Variants in TCF7L2 observed in about 807,000 individuals in gnomAD.
TCF7L2 encodes the protein transcription factor 7 like 2.
Under a neutral mutation model 77.9 loss-of-function variants are expected in TCF7L2, and 23 were observed. The ratio of observed to expected loss-of-function variants is 0.30; its 90% CI spans 0.21 to 0.42. TCF7L2 has a LOEUF of 0.42. Among genes scored for constraint, TCF7L2 ranks in the 10% least tolerant of loss-of-function variants. The pLI, the probability that TCF7L2 is intolerant of heterozygous loss-of-function variation, is 1.00. For missense variants in TCF7L2, 654 were observed against 793.1 expected (o/e 0.82, Z 2.11); for synonymous variants, 413 against 340.2 (o/e 1.21, Z -2.36).
Position 112,950,633 on chromosome 10 carries a change from C to T in TCF7L2, c.-124C>T, listed in dbSNP as rs1457418459. 2.7e-6 allele frequency: 3 copies of T among 1,109,352 alleles called. No homozygotes were observed. The highest frequency in any genetic ancestry group is 3.3e-5 in the African/African-American group (2 of 60,722). The allele number at this position is 1,109,352 out of a possible 1,614,324, so 68.7% of individuals were successfully genotyped here. On this transcript the variant is annotated 5_prime_UTR_variant, in exon 1 of 14. Transcript: ENST00000627217. ...AGACCCCCAAGCAGAAAAAAGTTCACCTTGGACTCGTCTTTTTCTTGCAAT... is the reference window on the plus strand; with the variant it reads ...AGACCCCCAAGCAGAAAAAAGTTCATCTTGGACTCGTCTTTTTCTTGCAAT...
chr10:113,027,307 G>C (rs1047443196), intron 4 of TCF7L2, among the ~76,000 whole-genome samples: 7 of 152,148 alleles, frequency 4.6e-5, no homozygotes, highest in African/African-American at 1.7e-4. Flanking sequence ...TCTGGGTTTT[G>C]ATAGGGGTGT....
chr10:113,027,330 A>G (rs887008665), intron 4 of TCF7L2, among the ~76,000 whole-genome samples: 1 of 152,066 alleles, frequency 6.6e-6, no homozygotes, highest in East Asian at 1.9e-4. Context: ...ATGTTTCATC[A>G]ATGTCTTTTG....
rs780571021 is a variant in TCF7L2, at chr10:113,146,069, G to C, written c.847G>C (p.Ala283Pro). The change falls in exon 8 of 14, where the codon GCT becomes CCT. Residue 283 changes from alanine to proline, a missense_variant. Ala to Pro is a conservative substitution (Grantham distance 27). Around this residue, in one of 6 missense-constraint regions of TCF7L2, gnomAD observed 179 missense variants for 270.6 expected, o/e 0.66. Coordinates refer to ENST00000627217, the MANE Select transcript of TCF7L2 (RefSeq NM_001146274.2). ...AGGATTCAGACACCCCTACCCCACAGCTCTGACCGTCAATGCTTCCATGTC... is the reference window on the plus strand; with the variant it reads ...AGGATTCAGACACCCCTACCCCACACCTCTGACCGTCAATGCTTCCATGTC... The C allele has an allele frequency of 6.4e-7, 1 of 1,562,330 alleles. No homozygotes were observed. The highest frequency in any genetic ancestry group is 1.4e-5 in the African/African-American group (1 of 71,272).
At position 113,151,393 on chromosome 10, in the gene TCF7L2, AACC is replaced by A. The variant is rs1167123474; in HGVS notation, c.1001+271_1001+273del. Reference sequence around the variant, plus strand: ...ATTTGCAACCACTTCCCTGCCCCCTAACCGCATCATTGAACATTTAGAGCTTTG... The same window carrying A: ...ATTTGCAACCACTTCCCTGCCCCCTAGCATCATTGAACATTTAGAGCTTTG... On this transcript the variant is annotated intron_variant, in intron 9 of 13. Coordinates refer to ENST00000627217, the MANE Select transcript of TCF7L2 (RefSeq NM_001146274.2). The surrounding 1 kb of genome is among the most constrained non-coding windows in gnomAD (Gnocchi z 5.2). 1.3e-5 allele frequency among the ~76,000 whole-genome samples: 2 copies of A among 150,340 alleles called. No individual in the cohort carries two copies.
chr10:113,081,703 A>G (rs1022148569), intron 5 of TCF7L2, among the ~76,000 whole-genome samples: 18 of 152,236 alleles, frequency 1.2e-4, no homozygotes, highest in African/African-American at 3.1e-4. Context: ...ATTGAACCTC[A>G]TCCCTGTTGC....
At chr10:113,089,453 C>T (rs780446801) in intron 5 of TCF7L2, 7 of 1,613,884 alleles carry the variant, frequency 4.3e-6, no homozygotes, top group Non-Finnish European at 5.9e-6. Context: ...TCTACCCCCC[C>T]TCAGACTTCA....
intron 13 of TCF7L2, among the ~76,000 whole-genome samples, chr10:113,163,147 A>G (rs951687991): frequency 1.3e-5 from 2 of 152,016 alleles, no homozygotes; most frequent in Non-Finnish European, 2.9e-5. Context: ...CATAGTCTTC[A>G]TGTCCCGTGT....
intron 5 of TCF7L2, among the ~76,000 whole-genome samples, chr10:113,080,532 A>T (rs2059213951): frequency 6.6e-6 from 1 of 152,194 alleles, no homozygotes; most frequent in South Asian, 2.1e-4. Flanking sequence ...TCCCATTCTG[A>T]ACAAGGTGGT....
intron 4 of TCF7L2, among the ~76,000 whole-genome samples, chr10:112,997,330 T>C (rs1444776133): frequency 6.6e-6 from 1 of 152,228 alleles, no homozygotes; most frequent in Non-Finnish European, 1.5e-5. Flanking sequence ...ATTGGAGCCA[T>C]GACATTTTAT....
intron 5 of TCF7L2, among the ~76,000 whole-genome samples, chr10:113,095,054 T>C (rs879737873): frequency 9.9e-5 from 15 of 152,110 alleles, no homozygotes; most frequent in Non-Finnish European, 4.4e-5. Context: ...TGCAGTAAGC[T>C]GAGATTGCAC....
chr10:113,003,795 C>T lies in TCF7L2; in HGVS notation c.451-36230C>T, dbSNP rs566777551. On this transcript the variant is annotated intron_variant, in intron 4 of 13. Coordinates refer to ENST00000627217, the MANE Select transcript of TCF7L2 (RefSeq NM_001146274.2). ...TCAACGTCAGGATCTGAGCCCTGTT[C>T]TGTTCGGCTGAAAATATACTCCCTG... is the stretch of plus-strand genomic sequence containing the variant. Among the ~76,000 whole-genome samples, 254 of 152,328 alleles carry T rather than the reference C, an allele frequency of 1.7e-3. 1 individual carries two copies. The highest frequency in any genetic ancestry group is 5.3e-4 in the Non-Finnish European group (36 of 68,032).
intron 4 of TCF7L2, among the ~76,000 whole-genome samples, chr10:112,986,536 TA>T (rs1158025307): frequency 6.6e-6 from 1 of 152,200 alleles, no homozygotes; most frequent in Admixed American, 6.5e-5. Flanking sequence ...TGAGTCAATC[TA>T]GTTTAATTTA....
chr10:113,114,699 G>A (rs2063517365), intron 5 of TCF7L2, among the ~76,000 whole-genome samples: 1 of 152,096 alleles, frequency 6.6e-6, no homozygotes, highest in Non-Finnish European at 1.5e-5. Flanking sequence ...GCTTTGCACG[G>A]GAGCACTTAA....
chr10:113,108,989 T>A (rs1172269839), intron 5 of TCF7L2, among the ~76,000 whole-genome samples: 1 of 152,242 alleles, frequency 6.6e-6, no homozygotes, highest in Non-Finnish European at 1.5e-5. Flanking sequence ...GGTTTATCTG[T>A]ACTAATTGTA....
At chr10:113,142,716 G>A (rs139195020) in intron 6 of TCF7L2, among the ~76,000 whole-genome samples, 6 of 152,318 alleles carry the variant, frequency 3.9e-5, no homozygotes, top group African/African-American at 1.2e-4. Flanking sequence ...TCCTCCAGCC[G>A]GCCCCAGGCT....
At chr10:113,018,148 G>A (rs1036079241) in intron 4 of TCF7L2, among the ~76,000 whole-genome samples, 2 of 152,138 alleles carry the variant, frequency 1.3e-5, no homozygotes, top group African/African-American at 2.4e-5. Context: ...CATTTATATT[G>A]TCAGTGGTGG....
At chr10:113,108,435 G>T (rs1591791918) in intron 5 of TCF7L2, among the ~76,000 whole-genome samples, 1 of 152,102 alleles carries the variant, frequency 6.6e-6, no homozygotes. Flanking sequence ...GGGATTGAAT[G>T]GGGCCATTGT....
intron 5 of TCF7L2, among the ~76,000 whole-genome samples, chr10:113,078,341 C>T (rs773249726): frequency 8.5e-5 from 13 of 152,072 alleles, no homozygotes; most frequent in Non-Finnish European, 1.9e-4. Flanking sequence ...ATTCATGGTC[C>T]CCCTGAGACA....
chr10:113,101,498 G>C (rs1024175628), intron 5 of TCF7L2, among the ~76,000 whole-genome samples: 1 of 151,880 alleles, frequency 6.6e-6, no homozygotes, highest in Admixed American at 6.6e-5. Context: ...AGCTCTAATT[G>C]AGCCACTGCA....
Sources: allele counts gnomAD v4.1 joint callset (sites outside exome capture counted in the v4.1 genomes callset), GRCh38; gene constraint gnomAD v4.1.1; regional missense constraint gnomAD v4.1.1; non-coding constraint Gnocchi (gnomAD v3.1); transcripts MANE v1.5; gene names NCBI Gene and HGNC (gene_info 2026-07-23, HGNC 2026-07-21).